Variants in SLX4IP observed in about 807,000 individuals in gnomAD.
SLX4IP encodes the protein SLX4 interacting protein.
A neutral mutation model predicts 32.9 loss-of-function variants in SLX4IP; 34 were observed. The ratio of observed to expected loss-of-function variants is 1.03; its 90% CI spans 0.79 to 1.38. SLX4IP has a LOEUF of 1.38. Ranked by LOEUF, SLX4IP falls within the 40% of genes most tolerant of loss-of-function variation. The probability of loss-of-function intolerance (pLI) is 0.00; values close to 1 mark genes in which losing one functional copy is unlikely to be tolerated. For missense variants in SLX4IP, 444 were observed against 479.0 expected, an observed-to-expected ratio of 0.93 and a Z score of 0.68; for synonymous variants, 172 against 171.7, an observed-to-expected ratio of 1.00 and a Z score of -0.01.
chr20:10,530,027 C>A (rs376178826), intron 2 of SLX4IP, among the ~76,000 whole-genome samples: 22 of 152,270 alleles, frequency 1.4e-4, no homozygotes, highest in Admixed American at 4.6e-4. Context: ...AGCCAGCACT[C>A]AGACACAGAG....
chr20:10,576,363 T>A lies in SLX4IP; in HGVS notation c.238+15543T>A, dbSNP rs550038763. Among the ~76,000 whole-genome samples, 3 of 152,276 alleles carry A rather than the reference T, an allele frequency of 2.0e-5. No individual in the cohort carries two copies. In the South Asian group the frequency reaches 6.2e-4, roughly 32 times the overall value. On this transcript the variant is annotated intron_variant, in intron 4 of 7. Coordinates refer to ENST00000334534, the MANE Select transcript of SLX4IP (RefSeq NM_001009608.3). ...CCTGGGCTGTTCCCAGGGAGTTGAG[T>A]AGAGGCATGGTGAATAACTGTTCAG...
intron 2 of SLX4IP, among the ~76,000 whole-genome samples, chr20:10,542,978 T>C (rs570787941): frequency 6.6e-6 from 1 of 152,328 alleles, no homozygotes; most frequent in East Asian, 1.9e-4. Context: ...AGGAAAAAGT[T>C]GTTCACCATC....
At chr20:10,508,057 C>T (rs376540634) in intron 2 of SLX4IP, among the ~76,000 whole-genome samples, 1 of 152,170 alleles carries the variant, frequency 6.6e-6, no homozygotes, top group East Asian at 1.9e-4. Context: ...GGCGATCATG[C>T]CTAATAATTT....
intron 2 of SLX4IP, among the ~76,000 whole-genome samples, chr20:10,528,509 AG>A (rs138240798): frequency 0.017 from 2,587 of 152,370 alleles, 54 homozygotes; most frequent in African/African-American, 0.048. Flanking sequence ...AATTTTACTT[AG>A]GAGTAAAAAG....
At chr20:10,474,410 C>T (rs182606981) in intron 2 of SLX4IP, among the ~76,000 whole-genome samples, 24 of 152,346 alleles carry the variant, frequency 1.6e-4, no homozygotes, top group Admixed American at 5.9e-4. Flanking sequence ...GCCCTAACTT[C>T]GTGGGAGTCA....
At chr20:10,605,814 G>A (rs1251335911) in intron 6 of SLX4IP, among the ~76,000 whole-genome samples, 1 of 152,158 alleles carries the variant, frequency 6.6e-6, no homozygotes, top group East Asian at 1.9e-4. Flanking sequence ...ATCCTGACAA[G>A]AAACAATATT....
At chr20:10,464,673 T>G (rs1478814240) in intron 2 of SLX4IP, among the ~76,000 whole-genome samples, 1 of 152,230 alleles carries the variant, frequency 6.6e-6, no homozygotes, top group Non-Finnish European at 1.5e-5. Flanking sequence ...ACCAAATAGT[T>G]TGACACTTCA....
chr20:10,486,145 T>A (rs1031956801), intron 2 of SLX4IP, among the ~76,000 whole-genome samples: 1 of 151,920 alleles, frequency 6.6e-6, no homozygotes, highest in African/African-American at 2.4e-5. Context: ...TCTTTTTGTT[T>A]GGCATCTTAA....
intron 2 of SLX4IP, among the ~76,000 whole-genome samples, chr20:10,488,891 G>A (rs1250156384): frequency 6.6e-6 from 1 of 152,082 alleles, no homozygotes; most frequent in Non-Finnish European, 1.5e-5. Flanking sequence ...ATGACAGCAT[G>A]TCTAGTCTGT....
chr20:10,581,297 T>TTGGCTTCATACAGAACCTTACAGG (rs1289984960), intron 4 of SLX4IP, among the ~76,000 whole-genome samples: 11 of 152,012 alleles, frequency 7.2e-5, no homozygotes, highest in African/African-American at 2.7e-4. Context: ...GTAGTGATAT[T>TTGGCTTCATACAGAACCTTACAGG]TGGCTTCATA....
chr20:10,535,691 G>T (rs1212875789), intron 2 of SLX4IP, among the ~76,000 whole-genome samples: 4 of 152,148 alleles, frequency 2.6e-5, no homozygotes, highest in African/African-American at 9.7e-5. Context: ...TTAGTCTCAT[G>T]AATTCCCAAA....
Position 10,621,311 on chromosome 20 carries a change from T to C in SLX4IP, c.406-3T>C. The C allele has an allele frequency of 6.8e-6, 11 of 1,613,792 alleles. No individual in the cohort carries two copies. The highest frequency in any genetic ancestry group is 5.9e-6 in the Non-Finnish European group (7 of 1,179,692). On this transcript the variant is annotated splice_region_variant and splice_polypyrimidine_tract_variant and intron_variant, in intron 6 of 7. Coordinates refer to ENST00000334534, the MANE Select transcript of SLX4IP (RefSeq NM_001009608.3). ...GTTGAACCTTTGTTATCTTTTGGAG[T>C]AGACAGAAAGAGTTCTCCATGGAGT...
At chr20:10,498,820 T>C (rs990758257) in intron 2 of SLX4IP, among the ~76,000 whole-genome samples, 2 of 152,024 alleles carry the variant, frequency 1.3e-5, no homozygotes, top group African/African-American at 4.8e-5. Flanking sequence ...GAAAATCCTC[T>C]AATTTTTAAA....
intron 2 of SLX4IP, among the ~76,000 whole-genome samples, chr20:10,529,590 C>CTAAA (rs2065969077): frequency 1.9e-5 from 1 of 53,642 alleles, no homozygotes; most frequent in African/African-American, 7.8e-5. Context: ...GACTCCATCT[C>CTAAA]AAAAAAAAAA....
chr20:10,614,140 A>T, intron 6 of SLX4IP: 1 of 1,270,872 alleles, frequency 7.9e-7, no homozygotes, highest in African/African-American at 1.5e-5. Flanking sequence ...TCGCCATCGG[A>T]GGCCTCGCGT....
intron 2 of SLX4IP, among the ~76,000 whole-genome samples, chr20:10,475,650 A>T (rs1379133231): frequency 6.6e-6 from 1 of 152,166 alleles, no homozygotes; most frequent in Non-Finnish European, 1.5e-5. Context: ...TGCAGAAGAT[A>T]GTGGCTCCTC....
chr20:10,601,744 C>T lies in SLX4IP; in HGVS notation c.330C>T (p.Phe110=), dbSNP rs763493468. 13 of 1,613,750 alleles carry T rather than the reference C, an allele frequency of 8.1e-6. No individual in the cohort carries two copies. The highest frequency in any genetic ancestry group is 9.3e-6 in the Non-Finnish European group (11 of 1,179,750). The part of the protein sequence containing the change: ...RSTQNAELCV[F]PDRFVVCVSQ... ...CATTTTATACAGAACTCTGTGTATT[C>T]CCTGACAGATTTGTGGTTTGTGTCA... Residue 110 remains phenylalanine (F), a synonymous_variant, in exon 6 of 8, where the codon TTC becomes TTT. Transcript: ENST00000334534.
At chr20:10,453,912 A>G (rs1289540240) in intron 1 of SLX4IP, among the ~76,000 whole-genome samples, 6 of 152,084 alleles carry the variant, frequency 3.9e-5, no homozygotes, top group Non-Finnish European at 7.4e-5. Flanking sequence ...GAGAGATTTC[A>G]TCAGCTTTAT....
intron 2 of SLX4IP, among the ~76,000 whole-genome samples, chr20:10,552,542 G>A (rs2066227894): frequency 6.6e-6 from 1 of 152,122 alleles, no homozygotes; most frequent in Non-Finnish European, 1.5e-5. Context: ...AGGCTGCAGA[G>A]GGAGAGCCCC....
Sources: gnomAD v4.1 joint callset for allele counts (sites outside exome capture counted in the v4.1 genomes callset) on GRCh38, gnomAD v4.1.1 for gene constraint, MANE v1.5 for transcripts, NCBI Gene and HGNC (gene_info 2026-07-23, HGNC 2026-07-21) for gene names.